ATXN7L1: variants seen among roughly 807,000 people sequenced by gnomAD.
ATXN7L1 encodes ataxin-7-like protein 1.
Under a neutral mutation model 70.8 loss-of-function variants are expected in ATXN7L1, and 15 were observed. The ratio of observed to expected loss-of-function variants is 0.21; its 90% CI spans 0.14 to 0.33. The LOEUF is 0.33. Among genes scored for constraint, ATXN7L1 ranks in the 10% least tolerant of loss-of-function variants. ATXN7L1 has a pLI of 1.00. For missense variants in ATXN7L1, 975 were observed against 1,097.1 expected (o/e 0.89, Z 1.57); for synonymous variants, 440 against 445.1 (o/e 0.99, Z 0.14).
chr7:105,620,982 A>G (rs1005734154), intron 8 of ATXN7L1, among the ~76,000 whole-genome samples: 1 of 151,928 alleles, frequency 6.6e-6, no homozygotes, highest in Non-Finnish European at 1.5e-5. Context: ...ACATTTTCTC[A>G]AGGAACTTGG....
At chr7:105,757,630 A>G (rs1330911477) in intron 3 of ATXN7L1, among the ~76,000 whole-genome samples, 2 of 125,744 alleles carry the variant, frequency 1.6e-5, no homozygotes, top group African/African-American at 6.4e-5. Context: ...CCCAGACTGG[A>G]GTGCAGTGGC....
At chr7:105,707,607 G>A (rs1793345416) in intron 3 of ATXN7L1, among the ~76,000 whole-genome samples, 1 of 152,242 alleles carries the variant, frequency 6.6e-6, no homozygotes, top group Non-Finnish European at 1.5e-5. Context: ...GGAACTAGCT[G>A]TCTTCTCTTG....
At chr7:105,772,419 A>T (rs959802542) in intron 3 of ATXN7L1, among the ~76,000 whole-genome samples, 1 of 152,184 alleles carries the variant, frequency 6.6e-6, no homozygotes, top group Non-Finnish European at 1.5e-5. Flanking sequence ...TTTACAAGAG[A>T]GACACCTAAA....
chr7:105,844,971 G>A (rs958432498), intron 2 of ATXN7L1, among the ~76,000 whole-genome samples: 6 of 152,134 alleles, frequency 3.9e-5, no homozygotes, highest in African/African-American at 1.4e-4. Context: ...TTGGGAGGCT[G>A]AGGTGGGAGG....
At chr7:105,704,333 T>G (rs1175582526) in intron 3 of ATXN7L1, among the ~76,000 whole-genome samples, 1 of 152,204 alleles carries the variant, frequency 6.6e-6, no homozygotes, top group African/African-American at 2.4e-5. Flanking sequence ...GAAAGAATTT[T>G]GTCATTTCTA....
chr7:105,659,285 G>C (rs1297427180), intron 4 of ATXN7L1, among the ~76,000 whole-genome samples: 3 of 152,204 alleles, frequency 2.0e-5, no homozygotes, highest in African/African-American at 7.2e-5. Flanking sequence ...CCATCTCCAG[G>C]AATGGAAATC....
Position 105,708,663 on chromosome 7 carries a change from T to C in ATXN7L1, c.356-43375A>G, listed in dbSNP as rs192633066. Among the ~76,000 whole-genome samples, 199 of 152,012 alleles carry C rather than the reference T, an allele frequency of 1.3e-3. 1 individual carries two copies. Among genetic ancestry groups the C allele is most frequent in the African/African-American group, 4.5e-3 (187 of 41,452 alleles). On this transcript the variant is annotated intron_variant, in intron 3 of 11. Coordinates refer to ENST00000419735, the MANE Select transcript of ATXN7L1 (RefSeq NM_020725.2). ...CCTTCCTTTCAAATAAGTTCTGTTATAGAAAGTAGTTATCATCTGTTTGTA... is the reference window on the plus strand; with the variant it reads ...CCTTCCTTTCAAATAAGTTCTGTTACAGAAAGTAGTTATCATCTGTTTGTA...
intron 2 of ATXN7L1, among the ~76,000 whole-genome samples, chr7:105,802,267 T>A (rs1039940948): frequency 6.6e-6 from 1 of 152,092 alleles, no homozygotes; most frequent in Admixed American, 6.6e-5. Context: ...CATACCTCAG[T>A]AAACCGATCT....
At chr7:105,641,212 CTCTTTTTTTTTTTTTTTTTT>C (rs1798159967) in intron 5 of ATXN7L1, among the ~76,000 whole-genome samples, 3 of 64,018 alleles carry the variant, frequency 4.7e-5, no homozygotes, top group East Asian at 2.6e-4. Context: ...CTCTCTCTCT[CTCTTTTTTTTTTTTTTTTTT>C]TTTTTTTTTT....
At chr7:105,610,436 T>C in intron 11 of ATXN7L1, 93 bp downstream of exon 11, 1 of 1,165,758 alleles carries the variant, frequency 8.6e-7, no homozygotes, top group Non-Finnish European at 1.2e-6. Context: ...GGAGATGAGG[T>C]TTGAATCAGG....
intron 10 of ATXN7L1, 76 bp from the exon 11 acceptor site, chr7:105,610,679 G>C: frequency 1.6e-6 from 2 of 1,244,086 alleles, no homozygotes; most frequent in Non-Finnish European, 2.3e-6. Flanking sequence ...ACATGTTCTA[G>C]GGGAAAGAAG....
chr7:105,789,959 A>G (rs1030895773), intron 2 of ATXN7L1, among the ~76,000 whole-genome samples: 2 of 152,210 alleles, frequency 1.3e-5, no homozygotes, highest in Non-Finnish European at 2.9e-5. Context: ...ACCACAGAAC[A>G]TTATCCATCC....
chr7:105,705,788 G>A (rs1563022275), intron 3 of ATXN7L1, among the ~76,000 whole-genome samples: 3 of 152,156 alleles, frequency 2.0e-5, no homozygotes, highest in African/African-American at 4.8e-5. Context: ...TAGCGCATTT[G>A]GGACACTTAG....
intron 2 of ATXN7L1, among the ~76,000 whole-genome samples, chr7:105,851,750 C>G (rs1339789784): frequency 6.6e-6 from 1 of 152,012 alleles, no homozygotes; most frequent in Non-Finnish European, 1.5e-5. Context: ...AAGAAGTCCA[C>G]AGGAAAGGAA....
intron 2 of ATXN7L1, among the ~76,000 whole-genome samples, chr7:105,852,283 G>A (rs954262203): frequency 2.0e-5 from 3 of 152,106 alleles, no homozygotes; most frequent in Admixed American, 6.5e-5. Context: ...AATTGCACAA[G>A]GTTGCCCTGT....
intron 3 of ATXN7L1, among the ~76,000 whole-genome samples, chr7:105,703,334 A>C (rs1792728869): frequency 6.6e-6 from 1 of 151,822 alleles, no homozygotes; most frequent in South Asian, 2.1e-4. Context: ...CTTAAGTATA[A>C]CTTGTATTTT....
At chr7:105,681,671 T>C (rs1044676558) in intron 3 of ATXN7L1, among the ~76,000 whole-genome samples, 32 of 152,138 alleles carry the variant, frequency 2.1e-4, no homozygotes, top group African/African-American at 7.5e-4. Flanking sequence ...AATGAATGAA[T>C]AGAGAATCCT....
chr7:105,842,320 CTAATA>C (rs1813343947), intron 2 of ATXN7L1, among the ~76,000 whole-genome samples: 1 of 152,024 alleles, frequency 6.6e-6, no homozygotes, highest in Non-Finnish European at 1.5e-5. Context: ...CTACCACTAT[CTAATA>C]TGAGAATATT....
chr7:105,758,589 GC>G (rs1273192655), intron 3 of ATXN7L1, among the ~76,000 whole-genome samples: 2 of 152,182 alleles, frequency 1.3e-5, no homozygotes, highest in Admixed American at 6.5e-5. Flanking sequence ...TGGCTCTGTG[GC>G]CCCCTGCCAT....
Sources: allele counts gnomAD v4.1 joint callset (sites outside exome capture counted in the v4.1 genomes callset), GRCh38; gene constraint gnomAD v4.1.1; transcripts MANE v1.5; gene names NCBI Gene and HGNC (gene_info 2026-07-23, HGNC 2026-07-21).